The following KHDRBS2 variants were observed in gnomAD, a reference collection of about 807,000 sequenced individuals.
KHDRBS2 encodes KH domain-containing, RNA-binding, signal transduction-associated protein 2.
Under a neutral mutation model 44.3 loss-of-function variants are expected in KHDRBS2, and 26 were observed. The ratio of observed to expected loss-of-function variants is 0.59; its 90% CI spans 0.43 to 0.81. The LOEUF (loss-of-function observed/expected upper bound fraction) is 0.81, where lower values mean the gene tolerates loss of function less well. Among genes scored for constraint, KHDRBS2 ranks in the 40% least tolerant of loss-of-function variants. KHDRBS2 has a pLI of 0.00. For synonymous variants in KHDRBS2, 194 were observed against 151.1 expected (o/e 1.28, Z -2.08); for missense variants, 476 against 433.1 (o/e 1.10, Z -0.88).
intron 6 of KHDRBS2, among the ~76,000 whole-genome samples, chr6:61,760,860 C>A (rs546205138): frequency 1.3e-5 from 2 of 152,138 alleles, no homozygotes; most frequent in African/African-American, 4.8e-5. Context: ...TATTCAATGA[C>A]ACATTTGGAA....
intron 6 of KHDRBS2, among the ~76,000 whole-genome samples, chr6:61,785,065 C>T (rs560944941): frequency 6.6e-6 from 1 of 151,934 alleles, no homozygotes; most frequent in Non-Finnish European, 1.5e-5. Context: ...GGGAGGATCA[C>T]CTGAGCCTGG....
At chr6:62,135,843 C>A (rs1811400523) in intron 2 of KHDRBS2, among the ~76,000 whole-genome samples, 1 of 151,206 alleles carries the variant, frequency 6.6e-6, no homozygotes, top group South Asian at 2.1e-4. Context: ...TAGTCTTTTT[C>A]ACATATGGAA....
chr6:62,237,761 C>T (rs1833928847), intron 1 of KHDRBS2, among the ~76,000 whole-genome samples: 1 of 152,114 alleles, frequency 6.6e-6, no homozygotes, highest in Non-Finnish European at 1.5e-5. Context: ...AATATTGAGG[C>T]CCGGTGCAGT....
intron 4 of KHDRBS2, among the ~76,000 whole-genome samples, chr6:61,910,088 C>T (rs1028474976): frequency 5.3e-5 from 8 of 152,200 alleles, no homozygotes; most frequent in African/African-American, 1.9e-4. Flanking sequence ...CAGATTAGGG[C>T]GCTTTTACCG....
chr6:61,820,463 G>T (rs1789719849), intron 6 of KHDRBS2, among the ~76,000 whole-genome samples: 2 of 151,986 alleles, frequency 1.3e-5, no homozygotes, highest in Non-Finnish European at 2.9e-5. Context: ...TTCAAGAAAA[G>T]ATAGGTTTGA....
intron 2 of KHDRBS2, among the ~76,000 whole-genome samples, chr6:62,069,989 GTTTGT>G: frequency 6.6e-6 from 1 of 151,474 alleles, no homozygotes; most frequent in African/African-American, 2.4e-5. Context: ...AGGATTTTTA[GTTTGT>G]TTTGTTTTTG....
Position 61,695,733 on chromosome 6 carries a change from G to A in KHDRBS2, c.952+1462C>T, listed in dbSNP as rs138133600. The stretch of plus-strand genomic sequence containing the variant: ...AAATATCTGTAACTAATCAGCCCAT[G>A]GTTAGCAATAATTGTGGTGGTGGCT... On this transcript the variant is annotated intron_variant, in intron 8 of 8. Transcript: ENST00000281156. Among the ~76,000 whole-genome samples, 321 of 152,204 alleles carry A rather than the reference G, an allele frequency of 2.1e-3. 3 individuals carry two copies. Among genetic ancestry groups the A allele is most frequent in the African/African-American group, 7.0e-3 (289 of 41,546 alleles).
intron 2 of KHDRBS2, among the ~76,000 whole-genome samples, chr6:62,101,587 A>T (rs1801915433): frequency 6.6e-6 from 1 of 152,184 alleles, no homozygotes; most frequent in Non-Finnish European, 1.5e-5. Context: ...GAATAGTAGG[A>T]TTCTGGATAT....
intron 7 of KHDRBS2, among the ~76,000 whole-genome samples, chr6:61,728,877 T>G (rs1394941111): frequency 6.6e-6 from 1 of 152,122 alleles, no homozygotes; most frequent in Non-Finnish European, 1.5e-5. Flanking sequence ...CAAGTGAAGG[T>G]TTGTTATTAG....
the KHDRBS2 span, among the ~76,000 whole-genome samples, chr6:61,613,453 A>G: frequency 6.6e-6 from 1 of 152,208 alleles, no homozygotes; most frequent in Non-Finnish European, 1.5e-5. Context: ...ACATGTCACC[A>G]GCAGCCCCGA....
intron 6 of KHDRBS2, among the ~76,000 whole-genome samples, chr6:61,891,167 T>C (rs918811139): frequency 2.6e-5 from 4 of 152,202 alleles, no homozygotes; most frequent in African/African-American, 7.2e-5. Flanking sequence ...TGTTTATGGA[T>C]AGTTGAATGA....
At chr6:61,572,840 T>A in the KHDRBS2 span, among the ~76,000 whole-genome samples, 3 of 152,164 alleles carry the variant, frequency 2.0e-5, no homozygotes, top group African/African-American at 7.2e-5. Flanking sequence ...AAGCCATCTA[T>A]GAAAAACCCA....
the KHDRBS2 span, among the ~76,000 whole-genome samples, chr6:61,639,761 CA>C: frequency 6.6e-6 from 1 of 152,002 alleles, no homozygotes; most frequent in African/African-American, 2.4e-5. Flanking sequence ...GTTCATTATA[CA>C]GTAGTTAAAT....
At chr6:61,629,422 T>C in the KHDRBS2 span, among the ~76,000 whole-genome samples, 1 of 152,174 alleles carries the variant, frequency 6.6e-6, no homozygotes, top group Non-Finnish European at 1.5e-5. Flanking sequence ...GAAGACGAAA[T>C]ATTAGCATTC....
intron 2 of KHDRBS2, among the ~76,000 whole-genome samples, chr6:62,109,248 G>A (rs1371732850): frequency 6.6e-6 from 1 of 151,940 alleles, no homozygotes; most frequent in Non-Finnish European, 1.5e-5. Flanking sequence ...TGAACATTCT[G>A]ATCATCTCAA....
In KHDRBS2 at chr6:61,833,373, T is replaced by C. The variant is rs572614737; in HGVS notation, c.810+61262A>G. On this transcript the variant is annotated intron_variant, in intron 6 of 8. Coordinates refer to ENST00000281156, the MANE Select transcript of KHDRBS2 (RefSeq NM_152688.4). The stretch of plus-strand genomic sequence containing the variant: ...ATTAAATTCTAGGCCAGACAATTGC[T>C]AACATCTCCCAAATGGAATATTTTT... Among the ~76,000 whole-genome samples, 5 of 152,344 alleles carry C rather than the reference T, an allele frequency of 3.3e-5. No homozygotes were observed. The South Asian group carries it at 1.0e-3, about 32-fold the overall frequency.
At chr6:62,189,609 T>C (rs4710674) in intron 1 of KHDRBS2, among the ~76,000 whole-genome samples, 92,974 of 151,906 alleles carry the variant, frequency 0.61, 28,632 homozygotes, top group Non-Finnish European at 0.62. Flanking sequence ...GGCAGGAAGA[T>C]CAGTTGTGAG....
At chr6:62,040,525 T>C (rs1418168700) in intron 3 of KHDRBS2, among the ~76,000 whole-genome samples, 1 of 152,044 alleles carries the variant, frequency 6.6e-6, no homozygotes, top group Non-Finnish European at 1.5e-5. Context: ...GGGCCATAGA[T>C]AGGAAGACTT....
At chr6:61,596,615 C>T in the KHDRBS2 span, among the ~76,000 whole-genome samples, 1 of 152,034 alleles carries the variant, frequency 6.6e-6, no homozygotes, top group Admixed American at 6.6e-5. Context: ...GTTAACTAGG[C>T]AACCCTACAT....
Sources: allele counts gnomAD v4.1 joint callset (sites outside exome capture counted in the v4.1 genomes callset), GRCh38; gene constraint gnomAD v4.1.1; transcripts MANE v1.5; gene names NCBI Gene and HGNC (gene_info 2026-07-23, HGNC 2026-07-21).